The following CTNNA3 variants were observed in gnomAD, a reference collection of about 807,000 sequenced individuals.
CTNNA3 encodes the protein catenin alpha-3.
CTNNA3 carries 76 observed loss-of-function variants against 95.7 expected under a neutral mutation model. That is an observed-to-expected ratio of 0.79 (90% CI 0.66 to 0.96). The LOEUF (loss-of-function observed/expected upper bound fraction) is 0.96, where lower values mean the gene tolerates loss of function less well. Among genes scored for constraint, CTNNA3 ranks in the 40% least tolerant of loss-of-function variants. The probability of loss-of-function intolerance (pLI) is 0.00; values close to 1 mark genes in which losing one functional copy is unlikely to be tolerated. For synonymous variants in CTNNA3, 431 were observed against 374.4 expected (o/e 1.15, Z -1.74); for missense variants, 1,191 against 1,089.8 (o/e 1.09, Z -1.31).
At position 66,443,920 on chromosome 10, in the gene CTNNA3, C is replaced by T. The variant is rs373224987; in HGVS notation, c.1532-64568G>A. 2.0e-5 allele frequency among the ~76,000 whole-genome samples: 3 copies of T among 152,128 alleles called. 1 individual carries two copies. Among genetic ancestry groups the T allele is most frequent in the African/African-American group, 7.2e-5 (3 of 41,508 alleles). ...AAACCAATGGCAAAGAAGTTAGAAA[C>T]TTTGAAAAAAGATTAGACGAATGGA... On this transcript the variant is annotated intron_variant, in intron 11 of 17. Transcript: ENST00000433211.
At chr10:66,819,735 C>T (rs1366072693) in intron 7 of CTNNA3, among the ~76,000 whole-genome samples, 1 of 152,082 alleles carries the variant, frequency 6.6e-6, no homozygotes, top group Non-Finnish European at 1.5e-5. Context: ...CAAACAGATA[C>T]TCAGTATCAA....
chr10:66,092,693 G>GT (rs1489312098), intron 14 of CTNNA3, among the ~76,000 whole-genome samples: 2 of 151,802 alleles, frequency 1.3e-5, no homozygotes, highest in Admixed American at 6.6e-5. Flanking sequence ...TAGAACTTTG[G>GT]TTTTTTTGTC....
chr10:65,990,902 C>T (rs1226341389), intron 15 of CTNNA3, among the ~76,000 whole-genome samples: 2 of 151,792 alleles, frequency 1.3e-5, no homozygotes, highest in African/African-American at 4.8e-5. Flanking sequence ...TTGGATCTTA[C>T]ATTTAGGTTT....
intron 5 of CTNNA3, among the ~76,000 whole-genome samples, chr10:67,340,849 T>C (rs896150972): frequency 1.3e-5 from 2 of 152,340 alleles, no homozygotes; most frequent in East Asian, 1.9e-4. Context: ...GTGGATATTG[T>C]CATGTTTGAT....
At chr10:67,716,010 T>G (rs186785797) in intron 1 of CTNNA3, among the ~76,000 whole-genome samples, 75 of 152,326 alleles carry the variant, frequency 4.9e-4, no homozygotes, top group Middle Eastern at 3.4e-3. Context: ...ATCAGCTGGA[T>G]AAGCAGGACC....
chr10:67,408,335 C>T (rs758934611), intron 5 of CTNNA3, among the ~76,000 whole-genome samples: 1 of 151,990 alleles, frequency 6.6e-6, no homozygotes, highest in Non-Finnish European at 1.5e-5. Context: ...ACTTCAAACT[C>T]TACTACAGGG....
intron 11 of CTNNA3, among the ~76,000 whole-genome samples, chr10:66,485,392 A>G (rs2131915674): frequency 6.6e-6 from 1 of 152,260 alleles, no homozygotes; most frequent in African/African-American, 2.4e-5. Flanking sequence ...AAATTCAGTA[A>G]AGTTACAGGA....
intron 7 of CTNNA3, among the ~76,000 whole-genome samples, chr10:66,896,525 G>A (rs1011448077): frequency 8.5e-5 from 13 of 152,160 alleles, no homozygotes; most frequent in Non-Finnish European, 1.6e-4. Context: ...GAACCTGACT[G>A]ACAGTAACAT....
At chr10:67,638,578 A>C (rs1332291963) in intron 2 of CTNNA3, among the ~76,000 whole-genome samples, 1 of 152,216 alleles carries the variant, frequency 6.6e-6, no homozygotes, top group Non-Finnish European at 1.5e-5. Flanking sequence ...ACCGCACTGC[A>C]CTTATTACAA....
intron 10 of CTNNA3, among the ~76,000 whole-genome samples, chr10:66,528,032 G>A (rs1312284858): frequency 6.6e-6 from 1 of 152,108 alleles, no homozygotes. Flanking sequence ...GAACTCCAAG[G>A]AACTGCTGAA....
At chr10:67,328,747 G>A (rs1841659821) in intron 5 of CTNNA3, among the ~76,000 whole-genome samples, 1 of 152,204 alleles carries the variant, frequency 6.6e-6, no homozygotes, top group African/African-American at 2.4e-5. Flanking sequence ...TATCTCTGAA[G>A]ATGTGTTAGG....
At chr10:66,475,828 A>G (rs558977833) in intron 11 of CTNNA3, among the ~76,000 whole-genome samples, 1 of 151,986 alleles carries the variant, frequency 6.6e-6, no homozygotes, top group East Asian at 1.9e-4. Context: ...ACCTAGGACA[A>G]AAAACACTAT....
At chr10:67,346,726 T>G (rs1271561530) in intron 5 of CTNNA3, 1 of 510,170 alleles carries the variant, frequency 2.0e-6, no homozygotes, top group Non-Finnish European at 3.9e-6. Context: ...TCCAAATTTC[T>G]TCCCTCAACT....
upstream of CTNNA3, among the ~76,000 whole-genome samples, chr10:67,699,976 G>A (rs953063262): frequency 1.1e-4 from 16 of 152,218 alleles, no homozygotes; most frequent in Middle Eastern, 6.3e-3. Flanking sequence ...ATTATATCCC[G>A]CACATGCTTT....
In CTNNA3 at chr10:66,753,500, G is replaced by A. The variant is rs189591825; in HGVS notation, c.1281+12764C>T. ...CAACATGGTGAAACCCTGTCTCTAC[G>A]AAAAACACAAAATTAGCCAGGCGTG... On this transcript the variant is annotated intron_variant, in intron 9 of 17. Transcript: ENST00000433211. 4.9e-3 allele frequency among the ~76,000 whole-genome samples: 743 copies of A among 151,534 alleles called. 6 individuals carry two copies. Among genetic ancestry groups the A allele is most frequent in the African/African-American group, 0.017 (700 of 41,350 alleles).
At chr10:66,320,685 A>C (rs1413984103) in intron 12 of CTNNA3, among the ~76,000 whole-genome samples, 3 of 152,098 alleles carry the variant, frequency 2.0e-5, no homozygotes, top group African/African-American at 7.2e-5. Flanking sequence ...TTTTCCTTTT[A>C]TATATAATAT....
At chr10:66,977,707 A>C (rs2132858961) in intron 7 of CTNNA3, among the ~76,000 whole-genome samples, 1 of 152,302 alleles carries the variant, frequency 6.6e-6, no homozygotes, top group African/African-American at 2.4e-5. Flanking sequence ...TACTATTGTT[A>C]GATAAAGGAG....
upstream of CTNNA3, among the ~76,000 whole-genome samples, chr10:67,697,692 A>G (rs1840993337): frequency 6.6e-6 from 1 of 152,266 alleles, no homozygotes; most frequent in Admixed American, 6.5e-5. Context: ...TGGTGTTATC[A>G]AAACAATTAA....
rs886748355 is a variant in CTNNA3, at chr10:65,916,295, C to A, written c.*4035G>T. 3 of 151,958 alleles carry A rather than the reference C, an allele frequency of 2.0e-5. No homozygotes were observed. The highest frequency in any genetic ancestry group is 4.4e-5 in the Non-Finnish European group (3 of 67,994). The allele number at this position is 151,958 out of a possible 1,614,324, so 9.4% of individuals were successfully genotyped here. On this transcript the variant is annotated 3_prime_UTR_variant, in exon 18 of 18. Coordinates refer to ENST00000433211, the MANE Select transcript of CTNNA3 (RefSeq NM_013266.4). ...AATGAATATTTGATTCCTAAATATACAATAGGCAGGCTGTCTTGGCAAAAA... is the reference window on the plus strand; with the variant it reads ...AATGAATATTTGATTCCTAAATATAAAATAGGCAGGCTGTCTTGGCAAAAA...
Sources: gnomAD v4.1 joint callset for allele counts (sites outside exome capture counted in the v4.1 genomes callset) on GRCh38, gnomAD v4.1.1 for gene constraint, MANE v1.5 for transcripts, NCBI Gene and HGNC (gene_info 2026-07-23, HGNC 2026-07-21) for gene names.